The following EYS variants were observed in gnomAD, a reference collection of about 807,000 sequenced individuals.
The protein encoded by EYS is EGF-like photoreceptor maintenance factor, also known as protein eyes shut homolog.
Under a neutral mutation model 282.1 loss-of-function variants are expected in EYS, and 250 were observed. The observed-to-expected ratio is 0.89, with a 90% CI of 0.80 to 0.98. The LOEUF is 0.98. Ranked by LOEUF, EYS falls within the 50% of genes least tolerant of loss-of-function variation. EYS has a pLI of 0.00. For missense variants in EYS, 4,016 were observed against 3,709.0 expected, an observed-to-expected ratio of 1.08 and a Z score of -2.15; for synonymous variants, 1,355 against 1,282.9, an observed-to-expected ratio of 1.06 and a Z score of -1.20.
At chr6:64,647,015 G>T (rs10944658) in intron 22 of EYS, among the ~76,000 whole-genome samples, 94,669 of 151,846 alleles carry the variant, frequency 0.62, 29,791 homozygotes, top group African/African-American at 0.69. Context: ...CCAATAAAGA[G>T]GTAAAGTTGA....
intron 28 of EYS, among the ~76,000 whole-genome samples, chr6:64,432,899 A>T (rs890121723): frequency 2.0e-5 from 3 of 152,060 alleles, no homozygotes; most frequent in Admixed American, 1.3e-4. Flanking sequence ...CACCAGCTAT[A>T]GTTAATTTCT....
chr6:64,973,416 G>C (rs184641845), intron 14 of EYS, among the ~76,000 whole-genome samples: 1 of 152,140 alleles, frequency 6.6e-6, no homozygotes, highest in Admixed American at 6.5e-5. Context: ...GAAGAAAAGG[G>C]AGTGTTAAAA....
At chr6:64,493,726 G>T (rs971341852) in intron 26 of EYS, among the ~76,000 whole-genome samples, 2 of 151,372 alleles carry the variant, frequency 1.3e-5, no homozygotes, top group African/African-American at 4.8e-5. Context: ...GTATACATGC[G>T]CCTATCTTAA....
chr6:64,889,172 C>T (rs895979270), intron 18 of EYS, among the ~76,000 whole-genome samples: 2 of 151,540 alleles, frequency 1.3e-5, no homozygotes, highest in African/African-American at 4.8e-5. Flanking sequence ...ATAGAATTTT[C>T]TCTCTCTCTC....
intron 31 of EYS, among the ~76,000 whole-genome samples, chr6:64,153,310 C>T (rs1774805581): frequency 2.0e-5 from 3 of 152,028 alleles, no homozygotes; most frequent in Admixed American, 2.0e-4. Context: ...TTTTGTAGAT[C>T]ACAATGAACA....
chr6:65,236,044 T>C (rs1312721080), intron 12 of EYS, among the ~76,000 whole-genome samples: 2 of 152,116 alleles, frequency 1.3e-5, no homozygotes, highest in Non-Finnish European at 2.9e-5. Flanking sequence ...GCACCTCTTA[T>C]GTAATAAAGT....
chr6:65,552,401 T>A (rs1430877213), intron 2 of EYS, among the ~76,000 whole-genome samples: 1 of 152,178 alleles, frequency 6.6e-6, no homozygotes, highest in Non-Finnish European at 1.5e-5. Flanking sequence ...TTAACAGGAG[T>A]TTATTTTTAA....
chr6:64,071,682 C>G (rs918738490), intron 32 of EYS, among the ~76,000 whole-genome samples: 13 of 147,910 alleles, frequency 8.8e-5, no homozygotes, highest in South Asian at 4.4e-4. Flanking sequence ...ATTAGGGATA[C>G]CTCCTGATGC....
chr6:64,284,706 G>A (rs1768433462), intron 30 of EYS, among the ~76,000 whole-genome samples: 1 of 152,136 alleles, frequency 6.6e-6, no homozygotes, highest in Admixed American at 6.5e-5. Context: ...TGAAATCTAG[G>A]CAGAGGTTCC....
rs563939898 is a variant in EYS, at chr6:65,273,865, C to T, written c.2023+21998G>A. On this transcript the variant is annotated intron_variant, in intron 12 of 42. Coordinates refer to ENST00000503581, the MANE Select transcript of EYS (RefSeq NM_001142800.2). Reference sequence around the variant, plus strand: ...TGAGCCAGTGCGTACCTAAAATAAACAATCCTCCTGTTCTCCATATTGGTC... The same window carrying T: ...TGAGCCAGTGCGTACCTAAAATAAATAATCCTCCTGTTCTCCATATTGGTC... 1.1e-3 allele frequency among the ~76,000 whole-genome samples: 162 copies of T among 152,300 alleles called. 1 individual carries two copies. Among genetic ancestry groups the T allele is most frequent in the African/African-American group, 3.8e-3 (157 of 41,566 alleles).
intron 26 of EYS, among the ~76,000 whole-genome samples, chr6:64,540,409 T>C (rs1412800798): frequency 3.3e-5 from 5 of 152,040 alleles, no homozygotes; most frequent in Non-Finnish European, 5.9e-5. Context: ...CATAACCTAT[T>C]GTGCTTTGTA....
At chr6:65,566,169 T>A (rs915777379) in intron 2 of EYS, among the ~76,000 whole-genome samples, 12 of 152,056 alleles carry the variant, frequency 7.9e-5, no homozygotes, top group African/African-American at 2.9e-4. Context: ...TTGACTTTCC[T>A]TGGGGACATG....
At chr6:64,750,187 T>C (rs1328300485) in intron 22 of EYS, among the ~76,000 whole-genome samples, 1 of 152,046 alleles carries the variant, frequency 6.6e-6, no homozygotes, top group African/African-American at 2.4e-5. Flanking sequence ...TTGGGAATAT[T>C]TTGCTGAAAG....
intron 2 of EYS, among the ~76,000 whole-genome samples, chr6:65,595,342 A>G (rs868380410): frequency 1.3e-5 from 2 of 152,022 alleles, no homozygotes; most frequent in South Asian, 2.1e-4. Context: ...CAGGGGAGGG[A>G]TAGCATTAGG....
At chr6:64,313,297 AC>A (rs771487263) in intron 29 of EYS, among the ~76,000 whole-genome samples, 2 of 54,578 alleles carry the variant, frequency 3.7e-5, no homozygotes, top group Non-Finnish European at 1.1e-4. Context: ...TTGAAGATCA[AC>A]TCAATGAAAT....
At chr6:63,990,236 C>G (rs1767544920) in intron 34 of EYS, among the ~76,000 whole-genome samples, 1 of 151,632 alleles carries the variant, frequency 6.6e-6, no homozygotes, top group South Asian at 2.1e-4. Flanking sequence ...GCCCCAGACC[C>G]TCTTTCCCCT....
At chr6:64,321,862 G>A (rs909054247) in intron 29 of EYS, among the ~76,000 whole-genome samples, 1 of 151,876 alleles carries the variant, frequency 6.6e-6, no homozygotes, top group African/African-American at 2.4e-5. Context: ...TAGCAACTTA[G>A]TGACAAAACA....
intron 1 of EYS, among the ~76,000 whole-genome samples, chr6:65,661,339 T>G (rs561183759): frequency 9.2e-5 from 14 of 152,162 alleles, no homozygotes; most frequent in African/African-American, 2.4e-4. Context: ...TGCTTTGTTC[T>G]ATGCCCCTTC....
At chr6:64,375,076 A>C (rs1440178244) in intron 29 of EYS, among the ~76,000 whole-genome samples, 1 of 152,216 alleles carries the variant, frequency 6.6e-6, no homozygotes, top group Non-Finnish European at 1.5e-5. Context: ...CAAAGCAATA[A>C]ATAAATATCT....
Sources: allele counts gnomAD v4.1 joint callset (sites outside exome capture counted in the v4.1 genomes callset), GRCh38; gene constraint gnomAD v4.1.1; transcripts MANE v1.5; gene names NCBI Gene and HGNC (gene_info 2026-07-23, HGNC 2026-07-21).